The following PLCH1 variants were observed in gnomAD, a reference collection of about 807,000 sequenced individuals.
PLCH1 encodes the protein 1-phosphatidylinositol 4,5-bisphosphate phosphodiesterase eta-1.
Under a neutral mutation model 126.7 loss-of-function variants are expected in PLCH1, and 60 were observed. That is an observed-to-expected ratio of 0.47 (90% CI 0.38 to 0.59). The LOEUF is 0.59. PLCH1 is among the 20% of genes least tolerant of loss of function. The pLI is 0.00. For synonymous variants in PLCH1, 719 were observed against 734.9 expected (o/e 0.98, Z 0.35); for missense variants, 1,723 against 2,040.0 (o/e 0.84, Z 2.99).
chr3:155,505,301 A>C (rs1718490707), intron 12 of PLCH1, among the ~76,000 whole-genome samples: 1 of 152,072 alleles, frequency 6.6e-6, no homozygotes, highest in Non-Finnish European at 1.5e-5. Flanking sequence ...TACTGGGCCA[A>C]CTCTCTTTCC....
intron 21 of PLCH1, among the ~76,000 whole-genome samples, chr3:155,467,484 G>A (rs1712975744): frequency 6.6e-6 from 1 of 151,190 alleles, no homozygotes; most frequent in African/African-American, 2.4e-5. Context: ...TGAGGAAGGA[G>A]AATCACTTAA....
intron 4 of PLCH1, among the ~76,000 whole-genome samples, chr3:155,587,239 A>C: frequency 6.6e-6 from 1 of 152,320 alleles, no homozygotes; most frequent in East Asian, 1.9e-4. Flanking sequence ...AAATATCATA[A>C]ATATAGGGCT....
At chr3:155,547,705 C>T (rs1359642125) in intron 10 of PLCH1, among the ~76,000 whole-genome samples, 3 of 151,728 alleles carry the variant, frequency 2.0e-5, no homozygotes, top group African/African-American at 7.3e-5. Flanking sequence ...GAATACTATG[C>T]AGCCATAAAA....
intron 2 of PLCH1, among the ~76,000 whole-genome samples, chr3:155,626,469 A>G (rs1048987447): frequency 1.3e-5 from 2 of 152,240 alleles, no homozygotes; most frequent in Non-Finnish European, 2.9e-5. Context: ...AGAAATCCTA[A>G]CGGAAAAAGA....
chr3:155,654,070 C>T (rs1163178455), intron 2 of PLCH1, among the ~76,000 whole-genome samples: 1 of 150,500 alleles, frequency 6.6e-6, no homozygotes, highest in African/African-American at 2.5e-5. Context: ...CCATGACCTC[C>T]ATGTTGCCAA....
intron 21 of PLCH1, chr3:155,457,621 A>T (rs1281960822): frequency 6.6e-6 from 1 of 152,144 alleles, no homozygotes; most frequent in African/African-American, 2.4e-5. Flanking sequence ...CACTTAGTAC[A>T]TTATATTAAT....
chr3:155,635,517 C>G (rs1001377986), intron 2 of PLCH1, among the ~76,000 whole-genome samples: 1 of 152,188 alleles, frequency 6.6e-6, no homozygotes, highest in African/African-American at 2.4e-5. Context: ...ATTTAACCTA[C>G]CCCTTCTGAA....
chr3:155,715,798 TCTCA>T (rs1177091865), intron 1 of PLCH1, among the ~76,000 whole-genome samples: 1 of 151,612 alleles, frequency 6.6e-6, no homozygotes, highest in Non-Finnish European at 1.5e-5. Context: ...GGAAACAGGG[TCTCA>T]CTGTGTTGCC....
At chr3:155,708,929 C>T (rs1335296447) in intron 1 of PLCH1, among the ~76,000 whole-genome samples, 1 of 152,172 alleles carries the variant, frequency 6.6e-6, no homozygotes, top group Non-Finnish European at 1.5e-5. Flanking sequence ...CTGCTATGCT[C>T]TGCATTCTCC....
chr3:155,744,263 C>G (rs1287068565), intron 1 of PLCH1, among the ~76,000 whole-genome samples: 2 of 152,166 alleles, frequency 1.3e-5, no homozygotes, highest in African/African-American at 4.8e-5. Context: ...CCTCCACCAC[C>G]CCGCGCCGCT....
At chr3:155,479,684 A>G (rs1308482702), downstream of PLCH1, among the ~76,000 whole-genome samples, 1 of 152,100 alleles carries the variant, frequency 6.6e-6, no homozygotes, top group African/African-American at 2.4e-5. Context: ...ATTACATTTG[A>G]TTTTCTTTCA....
chr3:155,733,300 C>A (rs1183573926), intron 1 of PLCH1, among the ~76,000 whole-genome samples: 1 of 152,146 alleles, frequency 6.6e-6, no homozygotes, highest in Non-Finnish European at 1.5e-5. Flanking sequence ...AAGCATCATG[C>A]TACCTGATTT....
chr3:155,482,610 G>C lies in PLCH1; in HGVS notation c.3416C>G (p.Ala1139Gly). The change falls in exon 23 of 23, where the codon GCT becomes GGT. Residue 1139 changes from alanine (A) to glycine (G), a missense_variant. Coordinates refer to ENST00000460012, the MANE Select transcript of PLCH1 (RefSeq NM_014996.4). ...NLEGNRGKGR[A>G]ATSFSLSDVS... is the part of the protein sequence containing the mutation. ...GTCTGACAAAGAAAAGGATGTTGCA[G>C]CTCGGCCCTTACCCCTATTACCTTC... 1 of 1,614,160 alleles carries C rather than the reference G, an allele frequency of 6.2e-7. No homozygotes were observed. Among genetic ancestry groups the C allele is most frequent in the Non-Finnish European group, 8.5e-7 (1 of 1,180,008 alleles).
At chr3:155,641,500 C>G (rs1191471998) in intron 2 of PLCH1, among the ~76,000 whole-genome samples, 1 of 151,922 alleles carries the variant, frequency 6.6e-6, no homozygotes, top group African/African-American at 2.4e-5. Flanking sequence ...CAACACCAGA[C>G]CTGTCATATA....
At position 155,554,186 on chromosome 3, in the gene PLCH1, C is replaced by T. The variant is rs1466459341; in HGVS notation, c.1080G>A (p.Trp360Ter). ...CTACTGGCTCTCCATCTGGGCCATCCCAACAGTCAACTGCCAAAAACAGAA... is the reference window on the plus strand; with the variant it reads ...CTACTGGCTCTCCATCTGGGCCATCTCAACAGTCAACTGCCAAAAACAGAA... Reference protein sequence around the residue: ...EGCRCVEVDCWDGPDGEPVVH... With the variant: ...EGCRCVEVDC Residue 360 changes from tryptophan to a stop codon, truncating the protein, a stop_gained, in exon 9 of 23, where the codon TGG becomes TGA. Coordinates refer to ENST00000460012, the MANE Select transcript of PLCH1 (RefSeq NM_014996.4). LOFTEE classifies it high-confidence loss of function. 1 of 1,612,934 alleles carries T rather than the reference C, an allele frequency of 6.2e-7. No individual in the cohort carries two copies. Among genetic ancestry groups the T allele is most frequent in the African/African-American group, 1.3e-5 (1 of 75,012 alleles).
intron 6 of PLCH1, 57 bp downstream of exon 6, chr3:155,583,415 G>C (rs1333005283): frequency 1.5e-6 from 2 of 1,364,130 alleles, no homozygotes; most frequent in Non-Finnish European, 2.0e-6. Context: ...CCAAAAGAAA[G>C]ACATATCTTT....
intron 15 of PLCH1, among the ~76,000 whole-genome samples, chr3:155,496,391 T>C (rs895344083): frequency 6.6e-6 from 1 of 152,166 alleles, no homozygotes; most frequent in African/African-American, 2.4e-5. Flanking sequence ...ATCCTACAGG[T>C]TCTCATGCTC....
At chr3:155,699,793 C>T (rs1426615925) in intron 2 of PLCH1, among the ~76,000 whole-genome samples, 1 of 142,010 alleles carries the variant, frequency 7.0e-6, no homozygotes, top group East Asian at 2.1e-4. Context: ...ATATTGGTCT[C>T]TCCATGGTCA....
intron 11 of PLCH1, among the ~76,000 whole-genome samples, chr3:155,523,264 C>T (rs1407871885): frequency 1.3e-5 from 2 of 152,192 alleles, no homozygotes; most frequent in Non-Finnish European, 2.9e-5. Flanking sequence ...GCGTGAGCCA[C>T]CGCGCCAGGC....
Sources: allele counts gnomAD v4.1 joint callset (sites outside exome capture counted in the v4.1 genomes callset), GRCh38; gene constraint gnomAD v4.1.1; transcripts MANE v1.5; gene names NCBI Gene and HGNC (gene_info 2026-07-23, HGNC 2026-07-21).